The following ADIPOR2 variants were observed in gnomAD, a reference collection of about 807,000 sequenced individuals.
ADIPOR2 encodes the protein adiponectin receptor protein 2.
A neutral mutation model predicts 40.9 loss-of-function variants in ADIPOR2; 18 were observed. The observed-to-expected ratio is 0.44, with a 90% CI of 0.30 to 0.65. The LOEUF is 0.65. Ranked by LOEUF, ADIPOR2 falls within the 30% of genes least tolerant of loss-of-function variation. ADIPOR2 has a pLI of 0.09. For synonymous variants in ADIPOR2, 165 were observed against 166.4 expected (o/e 0.99, Z 0.06); for missense variants, 283 against 479.2 (o/e 0.59, Z 3.82).
At position 1,693,570 on chromosome 12, in the gene ADIPOR2, G is replaced by C. The variant is rs11061922; in HGVS notation, c.-87+2379G>C. On this transcript the variant is annotated intron_variant, in intron 1 of 7. Coordinates refer to ENST00000357103, the MANE Select transcript of ADIPOR2 (RefSeq NM_024551.3). ...TTTTTTGAGACGGAGTTTCGTTCTTGTTGCCCAGGCTGGAGTGCAATGGCA... is the reference window on the plus strand; with the variant it reads ...TTTTTTGAGACGGAGTTTCGTTCTTCTTGCCCAGGCTGGAGTGCAATGGCA... Among the ~76,000 whole-genome samples, 26 of 141,240 alleles carry C rather than the reference G, an allele frequency of 1.8e-4. No individual in the cohort carries two copies. In the East Asian group the frequency reaches 5.0e-3, roughly 27 times the overall value. 92.7% of individuals were successfully genotyped at this position (141,240 alleles called of 152,430 possible).
intron 2 of ADIPOR2, chr12:1,761,060 ATTG>A (rs1159743147): frequency 6.6e-6 from 1 of 152,166 alleles, no homozygotes; most frequent in Non-Finnish European, 1.5e-5. Context: ...TATTGTTATA[ATTG>A]TTCTATTTTA....
intron 2 of ADIPOR2, among the ~76,000 whole-genome samples, chr12:1,758,322 G>T (rs1449011461): frequency 6.6e-6 from 1 of 152,128 alleles, no homozygotes; most frequent in African/African-American, 2.4e-5. Flanking sequence ...ATGAACAAAA[G>T]AACCATTTTT....
chr12:1,695,135 C>T (rs2094635712), intron 1 of ADIPOR2, among the ~76,000 whole-genome samples: 1 of 151,676 alleles, frequency 6.6e-6, no homozygotes, highest in South Asian at 2.1e-4. Flanking sequence ...CCCACCTTAG[C>T]CTCCCAAAGT....
At chr12:1,764,985 T>C (rs1337184960) in intron 2 of ADIPOR2, among the ~76,000 whole-genome samples, 1 of 152,208 alleles carries the variant, frequency 6.6e-6, no homozygotes, top group Non-Finnish European at 1.5e-5. Context: ...ATAAATAGTG[T>C]TGCTATGAAC....
At chr12:1,780,858 G>T in intron 5 of ADIPOR2, 31 bp from the exon 6 acceptor site, 2 of 1,539,530 alleles carry the variant, frequency 1.3e-6, no homozygotes, top group East Asian at 2.3e-5. Flanking sequence ...TTAAATTACT[G>T]CATTAAATGG....
intron 1 of ADIPOR2, among the ~76,000 whole-genome samples, chr12:1,732,204 G>A (rs1389268295): frequency 1.3e-5 from 2 of 152,022 alleles, no homozygotes; most frequent in African/African-American, 2.4e-5. Context: ...TTTGCATTAG[G>A]GTTCACTCTG....
rs755608408 is a variant in ADIPOR2, at chr12:1,754,310, A to G, written c.-34A>G. The G allele has an allele frequency of 1.0e-5, 16 of 1,545,720 alleles. No homozygotes were observed. Among genetic ancestry groups the G allele is most frequent in the South Asian group, 6.4e-5 (5 of 77,542 alleles). On this transcript the variant is annotated 5_prime_UTR_variant, in exon 2 of 8. Transcript: ENST00000357103. ...TCTCCCAAGAAGAGGGGACAGAAAG[A>G]CAGATCTATTTGTAAGAAAGGCTTG... is the stretch of plus-strand genomic sequence containing the variant.
intron 6 of ADIPOR2, among the ~76,000 whole-genome samples, chr12:1,781,424 T>C (rs1240855179): frequency 6.6e-6 from 1 of 152,162 alleles, no homozygotes; most frequent in Non-Finnish European, 1.5e-5. Flanking sequence ...CATTGTGGAG[T>C]GTACTTTTTG....
At chr12:1,705,378 G>A (rs1380888964) in intron 1 of ADIPOR2, among the ~76,000 whole-genome samples, 1 of 152,082 alleles carries the variant, frequency 6.6e-6, no homozygotes, top group Non-Finnish European at 1.5e-5. Context: ...TACAGATTGA[G>A]CATCTCTAAT....
chr12:1,708,037 G>GT (rs71055184), intron 1 of ADIPOR2, among the ~76,000 whole-genome samples: 41,302 of 151,546 alleles, frequency 0.27, 6,242 homozygotes, highest in Admixed American at 0.44. Flanking sequence ...AAAATGTTTG[G>GT]TAAAAAAATA....
intron 2 of ADIPOR2, among the ~76,000 whole-genome samples, chr12:1,762,730 A>G (rs868304748): frequency 1.3e-5 from 2 of 152,200 alleles, no homozygotes; most frequent in African/African-American, 4.8e-5. Flanking sequence ...TTCCTAAAGT[A>G]GCCTTTTAGA....
At chr12:1,781,656 A>C (rs1006223378) in intron 6 of ADIPOR2, among the ~76,000 whole-genome samples, 3 of 152,158 alleles carry the variant, frequency 2.0e-5, no homozygotes, top group Non-Finnish European at 4.4e-5. Context: ...GCCTTGGCTG[A>C]GTCTTCTTGT....
chr12:1,777,763 A>G lies in ADIPOR2; in HGVS notation c.292-91A>G, dbSNP rs191487083. 3.0e-3 allele frequency: 3,654 copies of G among 1,232,432 alleles called. 8 individuals carry two copies. The highest frequency in any genetic ancestry group is 2.9e-3 in the Non-Finnish European group (2,560 of 885,312). The allele number at this position is 1,232,432 out of a possible 1,614,324, so 76.3% of individuals were successfully genotyped here. On this transcript the variant is annotated intron_variant, in intron 3 of 7. Transcript: ENST00000357103. Reference sequence around the variant, plus strand: ...AAAATGAATTGTTTTTCCCATTATAAAACAGTGTGATAAGACACAGTTGTT... The same window carrying G: ...AAAATGAATTGTTTTTCCCATTATAGAACAGTGTGATAAGACACAGTTGTT...
At chr12:1,710,375 A>G (rs111807106) in intron 1 of ADIPOR2, among the ~76,000 whole-genome samples, 9,504 of 152,172 alleles carry the variant, frequency 0.062, 396 homozygotes, top group Non-Finnish European at 0.094. Flanking sequence ...CTGCGGCTTC[A>G]TTCTTGAAGT....
At chr12:1,747,373 A>G (rs189069210) in intron 1 of ADIPOR2, among the ~76,000 whole-genome samples, 1 of 152,386 alleles carries the variant, frequency 6.6e-6, no homozygotes, top group African/African-American at 2.4e-5. Context: ...CACAAGGTAA[A>G]TTAGAAAATA....
At position 1,736,814 on chromosome 12, in the gene ADIPOR2, C is replaced by T. The variant is rs1332817918; in HGVS notation, c.-86-17444C>T. Reference sequence around the variant, plus strand: ...TCCCAGAGAATCTGGTATGTTGTGTCTTTGTTCTCATTGGTTTCAAAAAAC... The same window carrying T: ...TCCCAGAGAATCTGGTATGTTGTGTTTTTGTTCTCATTGGTTTCAAAAAAC... On this transcript the variant is annotated intron_variant, in intron 1 of 7. Coordinates refer to ENST00000357103, the MANE Select transcript of ADIPOR2 (RefSeq NM_024551.3). Among the ~76,000 whole-genome samples, 5 of 152,220 alleles carry T rather than the reference C, an allele frequency of 3.3e-5. No homozygotes were observed. The East Asian group carries it at 7.7e-4, about 23-fold the overall frequency.
chr12:1,774,920 G>C (rs1400174841), intron 3 of ADIPOR2, among the ~76,000 whole-genome samples: 2 of 119,788 alleles, frequency 1.7e-5, no homozygotes, highest in Non-Finnish European at 3.5e-5. Flanking sequence ...GGCCAGGATG[G>C]TCTCCATCTC....
At chr12:1,745,325 T>G (rs2094752650) in intron 1 of ADIPOR2, among the ~76,000 whole-genome samples, 1 of 152,240 alleles carries the variant, frequency 6.6e-6, no homozygotes, top group South Asian at 2.1e-4. Context: ...ATGCTCTTGT[T>G]GCCACTTGTT....
intron 1 of ADIPOR2, among the ~76,000 whole-genome samples, chr12:1,693,224 A>C (rs1240777646): frequency 6.6e-6 from 1 of 150,384 alleles, no homozygotes; most frequent in Non-Finnish European, 1.5e-5. Flanking sequence ...TATTGTCTGT[A>C]GTTTCTTTTG....
Sources: gnomAD v4.1 joint callset for allele counts (sites outside exome capture counted in the v4.1 genomes callset) on GRCh38, gnomAD v4.1.1 for gene constraint, MANE v1.5 for transcripts, NCBI Gene and HGNC (gene_info 2026-07-23, HGNC 2026-07-21) for gene names.